The following RP1 variants were observed in gnomAD, a reference collection of about 807,000 sequenced individuals.
RP1 encodes oxygen-regulated protein 1.
Under a neutral mutation model 14.8 loss-of-function variants are expected in RP1, and 16 were observed. That is an observed-to-expected ratio of 1.08 (90% CI 0.73 to 1.65). RP1 has a LOEUF of 1.65. RP1 is among the 40% of genes most tolerant of loss of function. The pLI is 0.00. For missense variants in RP1, 2,631 were observed against 2,535.0 expected (o/e 1.04, Z -0.81); for synonymous variants, 876 against 883.6 (o/e 0.99, Z 0.15).
rs773846725 is a variant in RP1 at position 54,627,593 on chromosome 8, A to T, written c.3711A>T (p.Gly1237=). Residue 1237 remains glycine (G), a synonymous_variant, in exon 4 of 4, where the codon GGA becomes GGT. Transcript: ENST00000220676. ...ERTQGISSLD[G]GCSASEACAP... ...CACAAGGAATCTCCTCTTTGGATGG[A>T]GGTTGCTCTGCCAGTGAGGCATGTG... The T allele has an allele frequency of 1.2e-6, 2 of 1,614,044 alleles. No homozygotes were observed. The highest frequency in any genetic ancestry group is 2.7e-5 in the African/African-American group (2 of 74,942).
chr8:54,610,836 A>G (rs1329736117), intron 1 of RP1, among the ~76,000 whole-genome samples: 1 of 152,194 alleles, frequency 6.6e-6, no homozygotes, highest in East Asian at 1.9e-4. Flanking sequence ...TAATTGGCGT[A>G]CCTGAATTTC....
Position 54,628,458 on chromosome 8 carries a change from G to A in RP1, c.4576G>A (p.Glu1526Lys). ...AAAAAGAATGAACGGTATAATTTAT[G>A]AAATAATCAGTAAGAGGCTGGCAAC... Reference protein sequence around the residue: ...EEKRMNGIIYEIISKRLATPP... With the variant: ...EEKRMNGIIYKIISKRLATPP... The change falls in exon 4 of 4, where the codon GAA becomes AAA. Residue 1526 changes from glutamate to lysine, a missense_variant. By Grantham distance (56) the Glu-to-Lys change is moderately conservative (BLOSUM62 1). Coordinates refer to ENST00000220676, the MANE Select transcript of RP1 (RefSeq NM_006269.2). 6.2e-7 allele frequency: 1 copy of A among 1,613,400 alleles called. No individual in the cohort carries two copies. Among genetic ancestry groups the A allele is most frequent in the African/African-American group, 1.3e-5 (1 of 74,958 alleles).
chr8:54,659,145 G>C (rs961547650), intron 6 of RP1, among the ~76,000 whole-genome samples: 25 of 151,996 alleles, frequency 1.6e-4, no homozygotes, highest in African/African-American at 6.0e-4. Context: ...ATATATGATT[G>C]GGAAATATTT....
chr8:54,710,739 G>T (rs991204476), intron 15 of RP1, among the ~76,000 whole-genome samples: 6 of 152,160 alleles, frequency 3.9e-5, no homozygotes, highest in African/African-American at 1.2e-4. Context: ...TCATCCAGCC[G>T]CTGTCTCTGA....
At position 54,729,768 on chromosome 8, in the gene RP1, A is replaced by G. The variant is rs567604236; in HGVS notation, c.2521+3292A>G. ...AAATAAAATTTAATAACTACAAATA[A>G]TCCATTTTGTTGACGTAGCATAACA... is the stretch of plus-strand genomic sequence containing the variant. On this transcript the variant is annotated intron_variant, in intron 17 of 22. Coordinates refer to the RP1 transcript ENST00000636932. 2.6e-5 allele frequency among the ~76,000 whole-genome samples: 4 copies of G among 152,136 alleles called. No individual in the cohort carries two copies. In the East Asian group the frequency reaches 7.7e-4, roughly 29 times the overall value.
intron 2 of RP1, 29 bp downstream of exon 2, chr8:54,621,610 G>A: frequency 6.2e-7 from 1 of 1,613,598 alleles, no homozygotes; most frequent in South Asian, 1.1e-5. Context: ...CCTCGAGCCT[G>A]AGCTCATTTT....
intron 28 of RP1, chr8:54,865,936 T>A (rs1812447853): frequency 2.9e-6 from 3 of 1,023,864 alleles, no homozygotes; most frequent in South Asian, 9.9e-5. Context: ...TAATGCATTA[T>A]TATGCAAAAT....
chr8:54,730,582 A>G (rs567233455), intron 17 of RP1, among the ~76,000 whole-genome samples: 1 of 152,224 alleles, frequency 6.6e-6, no homozygotes, highest in South Asian at 2.1e-4. Flanking sequence ...TTATATTAAG[A>G]TCATTAGGAT....
At chr8:54,703,728 T>G (rs1012258702) in intron 14 of RP1, among the ~76,000 whole-genome samples, 1 of 152,198 alleles carries the variant, frequency 6.6e-6, no homozygotes, top group East Asian at 1.9e-4. Flanking sequence ...GCTGTTTTAT[T>G]TACACTGAAA....
chr8:54,624,847 C>A lies in RP1; in HGVS notation c.965C>A (p.Ser322Ter), dbSNP rs768386565. 1.9e-6 allele frequency: 3 copies of A among 1,613,114 alleles called. No homozygotes were observed. Among genetic ancestry groups the A allele is most frequent in the South Asian group, 1.1e-5 (1 of 90,772 alleles). ...CCTTCTGAAGATGATATTGAGAAAT[C>A]AATTATTTTTAATCAAGACGGCACT... ...IYPSEDDIEK[S>*]IIFNQDGTMT... The change falls in exon 4 of 4, where the codon TCA becomes TAA. Residue 322 changes from serine (S) to a stop codon, truncating the protein, a stop_gained. Coordinates refer to ENST00000220676, the MANE Select transcript of RP1 (RefSeq NM_006269.2). LOFTEE classifies it low-confidence loss of function (END_TRUNC).
intron 1 of RP1, among the ~76,000 whole-genome samples, chr8:54,579,756 C>T (rs1804738523): frequency 1.3e-5 from 2 of 152,168 alleles, no homozygotes; most frequent in East Asian, 1.9e-4. Context: ...CCTCTCTATC[C>T]CACTCTGTAC....
At chr8:54,802,344 G>C (rs1293885300) in intron 24 of RP1, among the ~76,000 whole-genome samples, 3 of 152,116 alleles carry the variant, frequency 2.0e-5, no homozygotes, top group Non-Finnish European at 4.4e-5. Flanking sequence ...CAACCTATAA[G>C]TAAGAGAATG....
intron 23 of RP1, among the ~76,000 whole-genome samples, chr8:54,779,796 G>C (rs577810634): frequency 6.6e-6 from 1 of 152,252 alleles, no homozygotes; most frequent in Admixed American, 6.5e-5. Context: ...AAATCCCCTT[G>C]CATACATACT....
chr8:54,650,422 CT>C (rs978288212), intron 4 of RP1, among the ~76,000 whole-genome samples: 38 of 151,924 alleles, frequency 2.5e-4, no homozygotes, highest in African/African-American at 8.9e-4. Context: ...CTTTTCTTTT[CT>C]TTTTTATTAT....
rs775488357 is a variant in RP1, at chr8:54,628,178, T to A, written c.4296T>A (p.Asn1432Lys). 1 of 1,613,862 alleles carries A rather than the reference T, an allele frequency of 6.2e-7. No homozygotes were observed. The highest frequency in any genetic ancestry group is 8.5e-7 in the Non-Finnish European group (1 of 1,179,922). The stretch of plus-strand genomic sequence containing the variant: ...CACTAAGGAAGTTTCAGGATGAAAA[T>A]GCATATACTTCCTTTGATATGGAAG... ...NCSLRKFQDENAYTSFDMEEP... is the reference protein window; with the variant it reads ...NCSLRKFQDEKAYTSFDMEEP... The change falls in exon 4 of 4, where the codon AAT (asparagine) becomes AAA (lysine). Residue 1432 changes from asparagine (N) to lysine (K), a missense_variant. Transcript: ENST00000220676.
intron 25 of RP1, among the ~76,000 whole-genome samples, chr8:54,841,508 T>G (rs777028122): frequency 6.6e-6 from 1 of 152,204 alleles, no homozygotes; most frequent in Non-Finnish European, 1.5e-5. Context: ...ATTGCTGGAA[T>G]GTTTTCAAAA....
At chr8:54,794,172 A>C (rs991246153) in intron 24 of RP1, among the ~76,000 whole-genome samples, 4 of 151,902 alleles carry the variant, frequency 2.6e-5, no homozygotes, top group African/African-American at 9.7e-5. Flanking sequence ...ATTCCTATCA[A>C]AATTTCAATA....
intron 12 of RP1, among the ~76,000 whole-genome samples, chr8:54,688,889 A>C (rs1807635931): frequency 6.6e-6 from 1 of 152,176 alleles, no homozygotes; most frequent in Non-Finnish European, 1.5e-5. Flanking sequence ...CTGAATCTAC[A>C]AATTACCTTG....
chr8:54,731,067 C>A (rs1289158522), intron 17 of RP1, among the ~76,000 whole-genome samples: 1 of 152,038 alleles, frequency 6.6e-6, no homozygotes, highest in African/African-American at 2.4e-5. Flanking sequence ...TAAAATCTGT[C>A]CTTTTATGGC....
Sources: allele counts gnomAD v4.1 joint callset (sites outside exome capture counted in the v4.1 genomes callset), GRCh38; gene constraint gnomAD v4.1.1; transcripts MANE v1.5; gene names NCBI Gene and HGNC (gene_info 2026-07-23, HGNC 2026-07-21).